TCF4: variants seen among roughly 807,000 people sequenced by gnomAD.
TCF4 encodes the protein transcription factor 4.
TCF4 carries 3 observed loss-of-function variants against 82.1 expected under a neutral mutation model. The observed-to-expected ratio is 0.04, with a 90% CI of 0.02 to 0.09. The LOEUF (loss-of-function observed/expected upper bound fraction) is 0.09, where lower values mean the gene tolerates loss of function less well. TCF4 is among the 10% of genes least tolerant of loss of function. The pLI is 1.00. For missense variants in TCF4, 518 were observed against 852.7 expected, an observed-to-expected ratio of 0.61 and a Z score of 4.89; for synonymous variants, 276 against 309.6, an observed-to-expected ratio of 0.89 and a Z score of 1.14.
chr18:55,318,067 C>T (rs1355567521), intron 8 of TCF4, among the ~76,000 whole-genome samples: 1 of 152,136 alleles, frequency 6.6e-6, no homozygotes, highest in Non-Finnish European at 1.5e-5. Context: ...TACGGTTTAA[C>T]ACATGCACAT....
At chr18:55,544,828 C>G (rs531031005) in intron 3 of TCF4, among the ~76,000 whole-genome samples, 2 of 152,160 alleles carry the variant, frequency 1.3e-5, no homozygotes, top group Admixed American at 1.3e-4. Flanking sequence ...CTGGCGTCAT[C>G]AAGCAGAAAA....
chr18:55,471,258 T>C (rs1440682663), intron 3 of TCF4, among the ~76,000 whole-genome samples: 3 of 152,194 alleles, frequency 2.0e-5, no homozygotes, highest in African/African-American at 4.8e-5. Flanking sequence ...ACAAGCATGA[T>C]TGTTTCTGTT....
At chr18:55,579,406 T>C (rs1480088215) in intron 3 of TCF4, among the ~76,000 whole-genome samples, 1 of 151,576 alleles carries the variant, frequency 6.6e-6, no homozygotes. Context: ...ACTATCTAAT[T>C]AACTTGGAAG....
intron 11 of TCF4, among the ~76,000 whole-genome samples, chr18:55,264,113 A>G (rs2058611905): frequency 6.6e-6 from 1 of 152,182 alleles, no homozygotes; most frequent in Admixed American, 6.5e-5. Context: ...TAGAAGAGGC[A>G]AGATATTATG....
chr18:55,588,678 CTT>C (rs2097675612), upstream of TCF4: 28 of 1,325,150 alleles, frequency 2.1e-5, no homozygotes, highest in Non-Finnish European at 2.7e-5. Flanking sequence ...TGCAAAAAGA[CTT>C]TGCCAAGAGG....
intron 3 of TCF4, among the ~76,000 whole-genome samples, chr18:55,474,685 C>T (rs1488837205): frequency 1.3e-5 from 2 of 152,146 alleles, no homozygotes; most frequent in Admixed American, 6.5e-5. Context: ...AAGAAAAGAT[C>T]AAGGGTTGAA....
chr18:55,586,116 AGAG>A lies in TCF4; in HGVS notation c.73-767_73-765del, dbSNP rs987632444. 277 of 1,408,646 alleles carry A rather than the reference AGAG, an allele frequency of 2.0e-4. 14 individuals are homozygous for A. In the East Asian group the frequency reaches 3.2e-3, roughly 16 times the overall value. The allele number at this position is 1,408,646 out of a possible 1,614,324, so 87.3% of individuals were successfully genotyped here. A position where few individuals can be genotyped will look rare whatever the true frequency, so the allele number is the denominator to read the frequency against. Reference sequence around the variant, plus strand: ...CCATTTCTCCAAAAGAAGGTCTAGAAGAGGAGGAGGAGGAGGAGAAGGAGGAGG... The same window carrying A: ...CCATTTCTCCAAAAGAAGGTCTAGAAGAGGAGGAGGAGGAGAAGGAGGAGG... On this transcript the variant is annotated intron_variant, in intron 2 of 19. Coordinates refer to ENST00000354452, the MANE Select transcript of TCF4 (RefSeq NM_001083962.2).
chr18:55,528,479 C>A (rs2146655415), intron 3 of TCF4, among the ~76,000 whole-genome samples: 1 of 152,284 alleles, frequency 6.6e-6, no homozygotes, highest in East Asian at 1.9e-4. Flanking sequence ...TCATTCATAA[C>A]CAATAACAGT....
intron 15 of TCF4, among the ~76,000 whole-genome samples, chr18:55,241,766 T>G (rs2051309158): frequency 6.6e-6 from 1 of 152,218 alleles, no homozygotes; most frequent in African/African-American, 2.4e-5. Flanking sequence ...GAAGCTCACC[T>G]AAACGAATGA....
At chr18:55,269,493 T>G in intron 11 of TCF4, 1 of 361,192 alleles carries the variant, frequency 2.8e-6, no homozygotes, top group Non-Finnish European at 5.4e-6. Context: ...AGAGCTATTC[T>G]GCTTTGTAGC....
chr18:55,536,812 A>G (rs1353899765), intron 3 of TCF4, among the ~76,000 whole-genome samples: 1 of 152,216 alleles, frequency 6.6e-6, no homozygotes, highest in African/African-American at 2.4e-5. Context: ...ATTACAAAGT[A>G]TGTATCTTCC....
intron 5 of TCF4, among the ~76,000 whole-genome samples, chr18:55,415,629 A>G (rs2094500059): frequency 6.6e-6 from 1 of 152,220 alleles, no homozygotes; most frequent in Admixed American, 6.5e-5. Context: ...AGAAACATAC[A>G]TAAGTACACT....
chr18:55,562,658 A>G (rs1331784034), intron 3 of TCF4, among the ~76,000 whole-genome samples: 1 of 152,164 alleles, frequency 6.6e-6, no homozygotes, highest in African/African-American at 2.4e-5. Context: ...CAACTCACCC[A>G]ATCACATTTT....
At chr18:55,429,764 C>A (rs1351297599) in intron 5 of TCF4, among the ~76,000 whole-genome samples, 28 of 57,176 alleles carry the variant, frequency 4.9e-4, no homozygotes, top group South Asian at 2.6e-3. Flanking sequence ...GACTCCATCT[C>A]AAAAAAAAAA....
At chr18:55,365,765 G>T (rs1378446908) in intron 6 of TCF4, among the ~76,000 whole-genome samples, 4 of 151,948 alleles carry the variant, frequency 2.6e-5, no homozygotes, top group Non-Finnish European at 5.9e-5. Context: ...AATGATGCAC[G>T]CCTGTTATTC....
At chr18:55,582,854 A>C (rs2097588632) in intron 3 of TCF4, among the ~76,000 whole-genome samples, 1 of 152,152 alleles carries the variant, frequency 6.6e-6, no homozygotes, top group Non-Finnish European at 1.5e-5. Context: ...CACTCAAGAC[A>C]ATGGATATTA....
chr18:55,470,819 C>A (rs1344176588), intron 3 of TCF4, among the ~76,000 whole-genome samples: 1 of 152,184 alleles, frequency 6.6e-6, no homozygotes, highest in African/African-American at 2.4e-5. Flanking sequence ...AAAATTTCAA[C>A]ACATTCAGAA....
chr18:55,399,720 G>A (rs2093686731), intron 6 of TCF4, among the ~76,000 whole-genome samples: 1 of 152,012 alleles, frequency 6.6e-6, no homozygotes, highest in African/African-American at 2.4e-5. Flanking sequence ...AACATTCTAG[G>A]AAATGATAAA....
chr18:55,608,632 G>A (rs2097704384), intron 2 of TCF4, among the ~76,000 whole-genome samples: 1 of 152,114 alleles, frequency 6.6e-6, no homozygotes, highest in Non-Finnish European at 1.5e-5. Context: ...AAAGCACTGT[G>A]CTATGGGCCG....
Sources: allele counts gnomAD v4.1 joint callset (sites outside exome capture counted in the v4.1 genomes callset), GRCh38; gene constraint gnomAD v4.1.1; transcripts MANE v1.5; gene names NCBI Gene and HGNC (gene_info 2026-07-23, HGNC 2026-07-21).